Variants in BTNL8 observed in about 807,000 individuals in gnomAD.
BTNL8 encodes butyrophilin-like protein 8.
Under a neutral mutation model 36.1 loss-of-function variants are expected in BTNL8, and 22 were observed. The ratio of observed to expected loss-of-function variants is 0.61; its 90% CI spans 0.44 to 0.87. The LOEUF (loss-of-function observed/expected upper bound fraction) is 0.87, where lower values mean the gene tolerates loss of function less well. Among genes scored for constraint, BTNL8 ranks in the 40% least tolerant of loss-of-function variants. BTNL8 has a pLI of 0.00. For missense variants in BTNL8, 526 were observed against 616.9 expected (o/e 0.85, Z 1.56); for synonymous variants, 203 against 235.6 (o/e 0.86, Z 1.27).
At chr5:180,909,073 T>G (rs1287086796) in intron 2 of BTNL8, 140 bp downstream of exon 2, 1 of 855,170 alleles carries the variant, frequency 1.2e-6, no homozygotes, top group East Asian at 2.5e-5. Flanking sequence ...CCTTCTGTCT[T>G]GTGTGTATAG....
At chr5:180,913,766 C>A (rs1757506998) in intron 3 of BTNL8, among the ~76,000 whole-genome samples, 1 of 152,170 alleles carries the variant, frequency 6.6e-6, no homozygotes, top group African/African-American at 2.4e-5. Context: ...ATGGCACAGG[C>A]CCTCAGGATT....
rs1216902768 is a variant in BTNL8, at chr5:180,911,358, C to A, written c.417C>A (p.Leu139=). The change falls in exon 3 of 8, where the codon CTC becomes CTA. Residue 139 remains leucine (L), a synonymous_variant. Transcript: ENST00000340184. The part of the protein sequence containing the change: ...LQVSALGSVP[L]ISITGYVDRD... ...CCCCAGCACTGGGCTCAGTTCCTCT[C>A]ATTTCCATCACGGGATATGTTGATA... 1 of 1,614,186 alleles carries A rather than the reference C, an allele frequency of 6.2e-7. No homozygotes were observed. The highest frequency in any genetic ancestry group is 2.2e-5 in the East Asian group (1 of 44,890).
chr5:180,933,181 A>G lies in BTNL8; in HGVS notation c.674-14331A>G, dbSNP rs913498260. Among the ~76,000 whole-genome samples the G allele has an allele frequency of 2.8e-4, 42 of 152,222 alleles. 1 individual carries two copies. Among genetic ancestry groups the G allele is most frequent in the African/African-American group, 1.0e-3 (42 of 41,464 alleles). Reference sequence around the variant, plus strand: ...ATCAAAGCAGTTAGTAAATATTTTAAGGAGAGATAAACTGCAACACAATAG... The same window carrying G: ...ATCAAAGCAGTTAGTAAATATTTTAGGGAGAGATAAACTGCAACACAATAG... On this transcript the variant is annotated intron_variant, in intron 3 of 7. Coordinates refer to ENST00000340184, the MANE Select transcript of BTNL8 (RefSeq NM_001040462.3).
chr5:180,913,770 C>T (rs968169507), intron 3 of BTNL8, among the ~76,000 whole-genome samples: 3 of 152,176 alleles, frequency 2.0e-5, no homozygotes, highest in Non-Finnish European at 4.4e-5. Context: ...CACAGGCCCT[C>T]AGGATTGAGA....
chr5:180,921,593 T>C (rs374486377), intron 3 of BTNL8, among the ~76,000 whole-genome samples: 1 of 152,104 alleles, frequency 6.6e-6, no homozygotes. Flanking sequence ...ACAGTGCCTG[T>C]AGCTAACAAT....
intron 3 of BTNL8, among the ~76,000 whole-genome samples, chr5:180,923,085 G>A (rs113566594): frequency 0.022 from 3,360 of 152,164 alleles, 46 homozygotes; most frequent in Middle Eastern, 0.051. Flanking sequence ...ATGTTGTTGC[G>A]TGTGAGATTA....
intron 3 of BTNL8, among the ~76,000 whole-genome samples, chr5:180,912,627 G>A (rs1001542484): frequency 3.3e-5 from 5 of 152,112 alleles, no homozygotes; most frequent in African/African-American, 7.2e-5. Flanking sequence ...TACTCAGGAG[G>A]CTGAGGTGGG....
chr5:180,935,716 T>C lies in BTNL8; in HGVS notation c.674-11796T>C, dbSNP rs1758619234. On this transcript the variant is annotated intron_variant, in intron 3 of 7. Coordinates refer to ENST00000340184, the MANE Select transcript of BTNL8 (RefSeq NM_001040462.3). This position sits in a 1 kb window ranked among gnomAD's most constrained non-coding sequence, Gnocchi z 4.8. ...CCGTGGACTTGGTAGAGAGTGGGGC[T>C]CCCCCCATTCCCAGCCCCCTCCCAG... Among the ~76,000 whole-genome samples the C allele has an allele frequency of 6.7e-6, 1 of 150,370 alleles. No individual in the cohort carries two copies. The highest frequency in any genetic ancestry group is 2.5e-5 in the African/African-American group (1 of 40,810).
intron 3 of BTNL8, among the ~76,000 whole-genome samples, chr5:180,918,251 C>A (rs1292032061): frequency 6.6e-6 from 1 of 151,866 alleles, no homozygotes; most frequent in Non-Finnish European, 1.5e-5. Context: ...TATTAGCCAA[C>A]CAAATTCATG....
At chr5:180,913,184 A>G (rs1052786012) in intron 3 of BTNL8, among the ~76,000 whole-genome samples, 2 of 152,174 alleles carry the variant, frequency 1.3e-5, no homozygotes, top group African/African-American at 2.4e-5. Flanking sequence ...AGCTGGGGAC[A>G]TTGAGCCTCA....
intron 3 of BTNL8, among the ~76,000 whole-genome samples, chr5:180,937,156 C>T (rs777269102): frequency 5.1e-4 from 78 of 152,316 alleles, no homozygotes; most frequent in South Asian, 1.7e-3. Flanking sequence ...CTGCATGCTA[C>T]GTGCATCGTC....
intron 3 of BTNL8, among the ~76,000 whole-genome samples, chr5:180,925,561 T>G (rs1758055964): frequency 6.6e-6 from 1 of 152,210 alleles, no homozygotes; most frequent in Non-Finnish European, 1.5e-5. Flanking sequence ...AAATCTGTCC[T>G]TCAGAAATGA....
Position 180,948,295 on chromosome 5 carries a change from G to A in BTNL8, c.788-60G>A, listed in dbSNP as rs1468411648. The A allele has an allele frequency of 1.6e-5, 24 of 1,464,458 alleles. 6 individuals carry two copies. Among genetic ancestry groups the A allele is most frequent in the Admixed American group, 9.3e-5 (5 of 53,894 alleles). 90.7% of individuals were successfully genotyped at this position (1,464,458 alleles called of 1,614,324 possible). ...CGTCCCACCTGTGCAAGGAGCCAGC[G>A]TCGTGTTTGTGCCTTGTACACTCCT... On this transcript the variant is annotated intron_variant, in intron 4 of 7. Transcript: ENST00000340184.
intron 3 of BTNL8, among the ~76,000 whole-genome samples, chr5:180,913,247 T>C (rs143631858): frequency 6.6e-6 from 1 of 152,276 alleles, no homozygotes; most frequent in Non-Finnish European, 1.5e-5. Flanking sequence ...CTATGTCAAT[T>C]AGAAGTAGCC....
Position 180,950,496 on chromosome 5 carries a change from G to T in BTNL8, c.1455G>T (p.Glu485Asp). Reference protein sequence around the residue: ...ASAIPETSNSESSSQATTPFL... With the variant: ...ASAIPETSNSDSSSQATTPFL... ...CAATCCCAGAGACAAGCAACAGTGA[G>T]TCCTCCTCACAGGCAACCACGCCCT... The change falls in exon 8 of 8, where the codon GAG becomes GAT. Residue 485 changes from glutamate to aspartate, a missense_variant. This residue lies in a region of BTNL8 where 176 missense variants were observed against 292.3 expected (regional missense o/e 0.60). Coordinates refer to ENST00000340184, the MANE Select transcript of BTNL8 (RefSeq NM_001040462.3). 1 of 1,463,546 alleles carries T rather than the reference G, an allele frequency of 6.8e-7. No homozygotes were observed. Among genetic ancestry groups the T allele is most frequent in the South Asian group, 1.1e-5 (1 of 89,290 alleles). 90.7% of individuals were successfully genotyped at this position (1,463,546 alleles called of 1,614,324 possible).
At position 180,950,005 on chromosome 5, in the gene BTNL8, G is replaced by C. The variant is rs755909995; in HGVS notation, c.964G>C (p.Glu322Gln). The change falls in exon 8 of 8, where the codon GAG (glutamate) becomes CAG (glutamine). Residue 322 changes from glutamate (E) to glutamine (Q), a missense_variant. Around this residue, in one of 2 missense-constraint regions of BTNL8, gnomAD observed 176 missense variants for 292.3 expected, o/e 0.60. Coordinates refer to ENST00000340184, the MANE Select transcript of BTNL8 (RefSeq NM_001040462.3). ...AGCTCCCCAGGAGGTGCCTCACTCT[G>C]AGAAGAGATTTACAAGGAAGAGTGT... is the stretch of plus-strand genomic sequence containing the variant. ...RKAPQEVPHS[E>Q]KRFTRKSVVA... is the part of the protein sequence containing the mutation. The C allele has an allele frequency of 6.8e-7, 1 of 1,462,624 alleles. No homozygotes were observed. Among genetic ancestry groups the C allele is most frequent in the Non-Finnish European group, 9.4e-7 (1 of 1,058,780 alleles). 90.6% of individuals were successfully genotyped at this position (1,462,624 alleles called of 1,614,324 possible).
chr5:180,912,218 G>T (rs146114105), intron 3 of BTNL8, among the ~76,000 whole-genome samples: 1 of 152,080 alleles, frequency 6.6e-6, no homozygotes, highest in Non-Finnish European at 1.5e-5. Flanking sequence ...TGACACCATT[G>T]GCTCTTCTGG....
intron 2 of BTNL8, among the ~76,000 whole-genome samples, chr5:180,910,353 A>T (rs112553221): frequency 6.6e-6 from 1 of 152,224 alleles, no homozygotes; most frequent in Admixed American, 6.5e-5. Flanking sequence ...TTTCTTCGTC[A>T]TCCTGGACAT....
At chr5:180,918,028 CA>C (rs368211844) in intron 3 of BTNL8, among the ~76,000 whole-genome samples, 124 of 114,916 alleles carry the variant, frequency 1.1e-3, no homozygotes, top group East Asian at 1.8e-3. Context: ...GATTCTGTCT[CA>C]AAAAAAAAAA....
Sources: allele counts gnomAD v4.1 joint callset (sites outside exome capture counted in the v4.1 genomes callset), GRCh38; gene constraint gnomAD v4.1.1; regional missense constraint gnomAD v4.1.1; non-coding constraint Gnocchi (gnomAD v3.1); transcripts MANE v1.5; gene names NCBI Gene and HGNC (gene_info 2026-07-23, HGNC 2026-07-21).